UTS2B: variants seen among roughly 807,000 people sequenced by gnomAD.
The protein encoded by UTS2B is urotensin-2B.
A neutral mutation model predicts 19.2 loss-of-function variants in UTS2B; 21 were observed. The observed-to-expected ratio is 1.09, with a 90% CI of 0.78 to 1.58. The LOEUF is 1.58. Among genes scored for constraint, UTS2B ranks in the 40% most tolerant of loss-of-function variants. The pLI is 0.00. For synonymous variants in UTS2B, 57 were observed against 50.2 expected (o/e 1.14, Z -0.58); for missense variants, 138 against 130.3 (o/e 1.06, Z -0.29).
At chr3:191,335,842 C>A in the UTS2B span, among the ~76,000 whole-genome samples, 2 of 151,970 alleles carry the variant, frequency 1.3e-5, no homozygotes, top group African/African-American at 4.8e-5. Context: ...GTGTGTAGTT[C>A]TGAGTTTTGA....
At chr3:191,338,932 A>G in the UTS2B span, among the ~76,000 whole-genome samples, 1 of 152,296 alleles carries the variant, frequency 6.6e-6, no homozygotes, top group Admixed American at 6.5e-5. Flanking sequence ...TGCTGTTACT[A>G]GAGTATTCAG....
chr3:191,335,303 A>G (rs897417510), upstream of UTS2B, among the ~76,000 whole-genome samples: 1 of 152,170 alleles, frequency 6.6e-6, no homozygotes, highest in African/African-American at 2.4e-5. Context: ...AAACATTCAA[A>G]CAACTATATT....
At chr3:191,314,808 G>A (rs1005879777) in intron 3 of UTS2B, among the ~76,000 whole-genome samples, 20 of 152,292 alleles carry the variant, frequency 1.3e-4, no homozygotes, top group African/African-American at 3.6e-4. Context: ...ACCCAAAGGA[G>A]TGGGTTCAGA....
chr3:191,337,537 G>T, the UTS2B span, among the ~76,000 whole-genome samples: 9 of 152,026 alleles, frequency 5.9e-5, no homozygotes, highest in African/African-American at 2.2e-4. Flanking sequence ...TAGAGACAGG[G>T]TTTCACTGTG....
chr3:191,273,615 C>G (rs1470230239), intron 8 of UTS2B: 5 of 456,344 alleles, frequency 1.1e-5, no homozygotes, highest in Non-Finnish European at 2.2e-5. Context: ...GACTCGATTC[C>G]CGACTTTATT....
chr3:191,328,109 C>T (rs1027129158), intron 2 of UTS2B: 1 of 152,172 alleles, frequency 6.6e-6, no homozygotes, highest in African/African-American at 2.4e-5. Context: ...GTGGGCTATA[C>T]TTTGCTACCC....
At chr3:191,295,041 A>C (rs916924335) in intron 4 of UTS2B, among the ~76,000 whole-genome samples, 1 of 151,836 alleles carries the variant, frequency 6.6e-6, no homozygotes, top group African/African-American at 2.4e-5. Flanking sequence ...AAACAACAAC[A>C]ACAACAACAA....
upstream of UTS2B, among the ~76,000 whole-genome samples, chr3:191,331,201 G>A (rs1717971727): frequency 6.6e-6 from 1 of 152,148 alleles, no homozygotes; most frequent in South Asian, 2.1e-4. Flanking sequence ...TGTAGTGCAT[G>A]GTGAGTAGAA....
intron 4 of UTS2B, among the ~76,000 whole-genome samples, chr3:191,302,259 C>A (rs1345901941): frequency 1.3e-5 from 2 of 152,180 alleles, no homozygotes; most frequent in Admixed American, 6.5e-5. Context: ...GCCATGGCAA[C>A]CTCTGAAAGT....
intron 7 of UTS2B, 64 bp downstream of exon 7, chr3:191,276,743 G>T: frequency 7.3e-7 from 1 of 1,370,548 alleles, no homozygotes; most frequent in Non-Finnish European, 1.0e-6. Context: ...AAAACATTGT[G>T]TCAAGAAGAA....
At chr3:191,282,847 T>A (rs1179619344) in intron 4 of UTS2B, among the ~76,000 whole-genome samples, 2 of 152,210 alleles carry the variant, frequency 1.3e-5, no homozygotes, top group Non-Finnish European at 2.9e-5. Context: ...TTCAAGCAGC[T>A]CTTTTAAAAA....
intron 3 of UTS2B, among the ~76,000 whole-genome samples, chr3:191,313,018 T>A (rs1416556175): frequency 1.4e-5 from 1 of 69,308 alleles, no homozygotes; most frequent in Non-Finnish European, 2.8e-5. Flanking sequence ...GTCAAACAGG[T>A]TTTTTTTTTT....
the UTS2B span, among the ~76,000 whole-genome samples, chr3:191,336,875 C>G: frequency 0.65 from 98,683 of 152,106 alleles, 34,000 homozygotes; most frequent in East Asian, 0.92. Flanking sequence ...TCTAGTAATT[C>G]AAATTTGTTG....
At chr3:191,341,079 G>T in the UTS2B span, among the ~76,000 whole-genome samples, 69 of 151,986 alleles carry the variant, frequency 4.5e-4, no homozygotes, top group African/African-American at 1.6e-3. Flanking sequence ...TCCCAGCTTA[G>T]CCTGCACTGG....
intron 4 of UTS2B, chr3:191,294,617 A>C (rs965691841): frequency 3.3e-5 from 5 of 151,902 alleles, no homozygotes; most frequent in Non-Finnish European, 7.3e-5. Flanking sequence ...ATCAAGGATC[A>C]GGGTCTCTTA....
intron 3 of UTS2B, among the ~76,000 whole-genome samples, chr3:191,315,677 C>T (rs1395235613): frequency 6.6e-6 from 1 of 152,204 alleles, no homozygotes; most frequent in African/African-American, 2.4e-5. Flanking sequence ...CTACCTATTG[C>T]CTAGTGCTTC....
At chr3:191,287,396 TC>T (rs1240745580) in intron 4 of UTS2B, among the ~76,000 whole-genome samples, 1 of 152,128 alleles carries the variant, frequency 6.6e-6, no homozygotes, top group Admixed American at 6.5e-5. Flanking sequence ...GTTAAAATGA[TC>T]ATTCACTATG....
At chr3:191,330,071 G>A (rs752388315) in intron 1 of UTS2B, among the ~76,000 whole-genome samples, 5 of 152,056 alleles carry the variant, frequency 3.3e-5, no homozygotes, top group African/African-American at 4.8e-5. Flanking sequence ...AAAAATCGAG[G>A]CCCAGCCTGG....
rs185370376 is a variant in UTS2B, at chr3:191,284,131, T to C, written c.-124-1818A>G. On this transcript the variant is annotated intron_variant, in intron 4 of 8. Coordinates refer to ENST00000340524, the MANE Select transcript of UTS2B (RefSeq NM_198152.5). Reference sequence around the variant, plus strand: ...AAATTGGAAATTTAGATATGCACTGTATTAAAGACATATGCAGCTTTTATT... The same window carrying C: ...AAATTGGAAATTTAGATATGCACTGCATTAAAGACATATGCAGCTTTTATT... Among the ~76,000 whole-genome samples the C allele has an allele frequency of 1.1e-3, 165 of 152,272 alleles. 1 individual carries two copies. Among genetic ancestry groups the C allele is most frequent in the Non-Finnish European group, 1.9e-3 (132 of 68,016 alleles).
Sources: gnomAD v4.1 joint callset for allele counts (sites outside exome capture counted in the v4.1 genomes callset) on GRCh38, gnomAD v4.1.1 for gene constraint, MANE v1.5 for transcripts, NCBI Gene and HGNC (gene_info 2026-07-23, HGNC 2026-07-21) for gene names.